The following PHF10 variants were observed in gnomAD, a reference collection of about 807,000 sequenced individuals.
The protein encoded by PHF10 is BRG1-associated factor 45a.
PHF10 carries 51 observed loss-of-function variants against 68.5 expected under a neutral mutation model. That is an observed-to-expected ratio of 0.74 (90% CI 0.59 to 0.94). The LOEUF (loss-of-function observed/expected upper bound fraction) is 0.94. Ranked by LOEUF, PHF10 falls within the 40% of genes least tolerant of loss-of-function variation. PHF10 has a pLI of 0.00. For synonymous variants in PHF10, 204 were observed against 203.5 expected (o/e 1.00, Z -0.02); for missense variants, 460 against 602.6 (o/e 0.76, Z 2.48).
chr6:169,717,248 TA>T (rs760405836), intron 4 of PHF10, among the ~76,000 whole-genome samples: 1 of 151,824 alleles, frequency 6.6e-6, no homozygotes, highest in Non-Finnish European at 1.5e-5. Context: ...GACTCTGTGT[TA>T]AAAAAAAGAG....
At chr6:169,713,341 A>G (rs1362501822) in intron 7 of PHF10, among the ~76,000 whole-genome samples, 2 of 152,198 alleles carry the variant, frequency 1.3e-5, no homozygotes, top group East Asian at 1.9e-4. Flanking sequence ...GCTCACGCCT[A>G]TAATCCCAGC....
intron 2 of PHF10, among the ~76,000 whole-genome samples, chr6:169,719,875 A>G (rs1279164848): frequency 6.6e-6 from 1 of 152,140 alleles, no homozygotes; most frequent in Non-Finnish European, 1.5e-5. Flanking sequence ...CACTATCAAG[A>G]CAGTGAAAAG....
intron 2 of PHF10, among the ~76,000 whole-genome samples, chr6:169,719,703 T>C (rs560454200): frequency 3.3e-5 from 5 of 152,228 alleles, no homozygotes; most frequent in Admixed American, 6.5e-5. Flanking sequence ...ACAACCTAAA[T>C]ATAAGAGCTA....
chr6:169,717,704 T>G (rs1012455785), intron 4 of PHF10, 119 bp downstream of exon 4: 1 of 594,914 alleles, frequency 1.7e-6, no homozygotes, highest in African/African-American at 1.9e-5. Context: ...TAATGTAGCA[T>G]TTAAATAGTT....
At chr6:169,709,950 A>G in intron 9 of PHF10, 1 of 207,302 alleles carries the variant, frequency 4.8e-6, no homozygotes, top group Non-Finnish European at 9.5e-6. Context: ...TGCCTATGAA[A>G]TAATGTTTTA....
chr6:169,724,014 G>T lies in PHF10; in HGVS notation c.-83C>A, dbSNP rs1789259759. ...CGCCGCCGCTGCCGCCGCCGCCGCC[G>T]CCGCCGCCGCGCGGGCCCCCCGCCG... is the stretch of plus-strand genomic sequence containing the variant. On this transcript the variant is annotated 5_prime_UTR_variant, in exon 1 of 12. Coordinates refer to ENST00000339209, the MANE Select transcript of PHF10 (RefSeq NM_018288.4). 4.7e-6 allele frequency: 1 copy of T among 213,960 alleles called. No homozygotes were observed. 13.3% of individuals were successfully genotyped at this position (213,960 alleles called of 1,614,324 possible).
At position 169,705,615 on chromosome 6, in the gene PHF10, C is replaced by A. The variant is rs747986925; in HGVS notation, c.1222+1G>T. 7.5e-7 allele frequency: 1 copy of A among 1,326,486 alleles called. No individual in the cohort carries two copies. The highest frequency in any genetic ancestry group is 1.1e-6 in the Non-Finnish European group (1 of 918,112). 82.2% of individuals were successfully genotyped at this position (1,326,486 alleles called of 1,614,324 possible). A position where few individuals can be genotyped will look rare whatever the true frequency, so the allele number is the denominator to read the frequency against. ...TTTTAAAAAGACATTTCAATACTTA[C>A]CACTATTCTCACATTGGGAGCAGTG... On this transcript the variant is annotated splice_donor_variant, in intron 10 of 11. Coordinates refer to ENST00000339209, the MANE Select transcript of PHF10 (RefSeq NM_018288.4). LOFTEE classifies it high-confidence loss of function.
chr6:169,706,724 A>G (rs1788802343), intron 9 of PHF10, among the ~76,000 whole-genome samples: 1 of 74,978 alleles, frequency 1.3e-5, no homozygotes, highest in Admixed American at 1.6e-4. Flanking sequence ...ATACATACAT[A>G]CATACACACA....
chr6:169,710,015 G>A (rs1788890379), intron 9 of PHF10: 1 of 358,572 alleles, frequency 2.8e-6, no homozygotes, highest in Non-Finnish European at 5.0e-6. Flanking sequence ...CTTATAAATT[G>A]TACATATACA....
At chr6:169,723,477 G>T (rs1444023910) in intron 1 of PHF10, among the ~76,000 whole-genome samples, 1 of 152,234 alleles carries the variant, frequency 6.6e-6, no homozygotes, top group South Asian at 2.1e-4. Flanking sequence ...ACTATGCGCG[G>T]AATGAACGCT....
intron 9 of PHF10, chr6:169,709,082 A>G (rs1585299067): frequency 6.6e-6 from 1 of 152,244 alleles, no homozygotes; most frequent in East Asian, 1.9e-4. Context: ...CAAAAAAAAA[A>G]AAGAATTTTT....
chr6:169,705,377 G>A, intron 10 of PHF10, 56 bp from the exon 11 acceptor site: 1 of 1,242,640 alleles, frequency 8.0e-7, no homozygotes, highest in Middle Eastern at 1.9e-4. Context: ...ACTTAATATG[G>A]CACATAAAAT....
intron 7 of PHF10, among the ~76,000 whole-genome samples, chr6:169,713,648 CA>C (rs1211980900): frequency 2.0e-5 from 3 of 151,316 alleles, no homozygotes; most frequent in African/African-American, 7.3e-5. Context: ...AATTGCTGCT[CA>C]TGATTTAAAT....
rs1392124534 is a variant in PHF10 at position 169,703,928 on chromosome 6, G to A, written c.*75C>T. On this transcript the variant is annotated 3_prime_UTR_variant, in exon 12 of 12. Transcript: ENST00000339209. Reference sequence around the variant, plus strand: ...AATTTGCAAAAAAAATCTTTTATTGGCATGAAAATAATGTTGTAAATGGCA... The same window carrying A: ...AATTTGCAAAAAAAATCTTTTATTGACATGAAAATAATGTTGTAAATGGCA... The A allele has an allele frequency of 1.7e-6, 2 of 1,193,456 alleles. No homozygotes were observed. Among genetic ancestry groups the A allele is most frequent in the South Asian group, 1.5e-5 (1 of 65,658 alleles). 73.9% of individuals were successfully genotyped at this position (1,193,456 alleles called of 1,614,324 possible). A position where few individuals can be genotyped will look rare whatever the true frequency, so the allele number is the denominator to read the frequency against.
At position 169,710,294 on chromosome 6, in the gene PHF10, G is replaced by A; in HGVS notation, c.1055C>T (p.Thr352Ile). The change falls in exon 9 of 12, where the codon ACT becomes ATT. Residue 352 changes from threonine to isoleucine, a missense_variant. Transcript: ENST00000339209. Reference sequence around the variant, plus strand: ...ACGTTTGGGACCATCTTTTCTTGGAGTGGCAGCTTTGTCTTTTGATTTCTG... The same window carrying A: ...ACGTTTGGGACCATCTTTTCTTGGAATGGCAGCTTTGTCTTTTGATTTCTG... The part of the protein sequence containing the change: ...GRQKSKDKAA[T>I]PRKDGPKRSV... The A allele has an allele frequency of 6.2e-7, 1 of 1,613,258 alleles. No homozygotes were observed.
intron 6 of PHF10, 53 bp from the exon 7 acceptor site, chr6:169,714,895 C>G: frequency 2.1e-6 from 2 of 961,296 alleles, no homozygotes; most frequent in South Asian, 2.6e-5. Flanking sequence ...AGAATCAAGG[C>G]TTTAGGAAGA....
rs1397778936 is a variant in PHF10 at position 169,703,968 on chromosome 6, T to TAGC, written c.*34_*35insGCT. ...TGTAAATGGCACCAAATATTCCACTTAAATGCATATACAGTATTAGAGTCA... is the reference window on the plus strand; with the variant it reads ...TGTAAATGGCACCAAATATTCCACTTAGCAAATGCATATACAGTATTAGAGTCA... On this transcript the variant is annotated 3_prime_UTR_variant, in exon 12 of 12. Transcript: ENST00000339209. The TAGC allele has an allele frequency of 6.9e-7, 1 of 1,449,476 alleles. No homozygotes were observed. Among genetic ancestry groups the TAGC allele is most frequent in the Non-Finnish European group, 9.3e-7 (1 of 1,071,314 alleles). The allele number at this position is 1,449,476 out of a possible 1,614,324, so 89.8% of individuals were successfully genotyped here.
rs1222918195 is a variant in PHF10 at position 169,718,778 on chromosome 6, A to G, written c.325+10T>C. 1 of 1,473,602 alleles carries G rather than the reference A, an allele frequency of 6.8e-7. No individual in the cohort carries two copies. Among genetic ancestry groups the G allele is most frequent in the Non-Finnish European group, 9.4e-7 (1 of 1,063,100 alleles). 91.3% of individuals were successfully genotyped at this position (1,473,602 alleles called of 1,614,324 possible). Reference sequence around the variant, plus strand: ...TCAATTATAAATTAATCTATTATATAAACTAGTACCTGGATATTTCCTTTT... The same window carrying G: ...TCAATTATAAATTAATCTATTATATGAACTAGTACCTGGATATTTCCTTTT... On this transcript the variant is annotated intron_variant, in intron 3 of 11. Coordinates refer to ENST00000339209, the MANE Select transcript of PHF10 (RefSeq NM_018288.4).
chr6:169,716,087 G>A lies in PHF10; in HGVS notation c.411C>T (p.Gly137=), dbSNP rs780840999. The A allele has an allele frequency of 1.9e-5, 29 of 1,556,870 alleles. No homozygotes were observed. Among genetic ancestry groups the A allele is most frequent in the Non-Finnish European group, 2.5e-5 (29 of 1,153,856 alleles). The change falls in exon 5 of 12, where the codon GGC becomes GGT. Residue 137 remains glycine (G), a splice_region_variant and synonymous_variant. Transcript: ENST00000339209. ...CTTCATCACTGCGCAATGCTGTTAA[G>A]CCTATTTTAGACCAAAAAATAAAAA... The part of the protein sequence containing the change: ...NVITETQCTL[G]LTALRSDEVI...
Sources: gnomAD v4.1 joint callset for allele counts (sites outside exome capture counted in the v4.1 genomes callset) on GRCh38, gnomAD v4.1.1 for gene constraint, MANE v1.5 for transcripts, NCBI Gene and HGNC (gene_info 2026-07-23, HGNC 2026-07-21) for gene names.